The following ADAMTS3 variants were observed in gnomAD, a reference collection of about 807,000 sequenced individuals.
The protein encoded by ADAMTS3 is ADAM metallopeptidase with thrombospondin type 1 motif 3.
ADAMTS3 carries 73 observed loss-of-function variants against 129.0 expected under a neutral mutation model. The observed-to-expected ratio is 0.57, with a 90% CI of 0.47 to 0.69. The LOEUF (loss-of-function observed/expected upper bound fraction) is 0.69, where lower values mean the gene tolerates loss of function less well. ADAMTS3 is among the 30% of genes least tolerant of loss of function. The probability of loss-of-function intolerance (pLI) is 0.00; values close to 1 mark genes in which losing one functional copy is unlikely to be tolerated. For missense variants in ADAMTS3, 1,457 were observed against 1,514.5 expected, an observed-to-expected ratio of 0.96 and a Z score of 0.63; for synonymous variants, 477 against 510.8, an observed-to-expected ratio of 0.93 and a Z score of 0.89.
chr4:72,412,623 T>G (rs1300785901), intron 4 of ADAMTS3, among the ~76,000 whole-genome samples: 1 of 152,008 alleles, frequency 6.6e-6, no homozygotes, highest in African/African-American at 2.4e-5. Context: ...CTTAATTCAA[T>G]CAGAACTTCA....
chr4:72,564,867 A>T (rs901365127), intron 2 of ADAMTS3, among the ~76,000 whole-genome samples: 10 of 152,238 alleles, frequency 6.6e-5, no homozygotes, highest in African/African-American at 2.4e-4. Context: ...ACTAAGAAGT[A>T]CATATCCTGT....
Position 72,419,761 on chromosome 4 carries a change from A to G in ADAMTS3, c.505-4790T>C, listed in dbSNP as rs72852059. 5.9e-3 allele frequency among the ~76,000 whole-genome samples: 893 copies of G among 152,304 alleles called. 14 individuals carry two copies. Among genetic ancestry groups the G allele is most frequent in the African/African-American group, 0.021 (854 of 41,550 alleles). On this transcript the variant is annotated intron_variant, in intron 3 of 21. Coordinates refer to ENST00000286657, the MANE Select transcript of ADAMTS3 (RefSeq NM_014243.3). ...AAAAACTCCTGGCACACATGTGGAC[A>G]GCAAGCAAGCTATTCATTCAGGGAA...
At chr4:72,523,141 TA>T (rs925538657) in intron 3 of ADAMTS3, among the ~76,000 whole-genome samples, 4 of 151,764 alleles carry the variant, frequency 2.6e-5, no homozygotes, top group African/African-American at 4.8e-5. Context: ...AAGGTAAATA[TA>T]AAAAAAAGAA....
chr4:72,486,102 C>T (rs925300084), intron 3 of ADAMTS3, among the ~76,000 whole-genome samples: 2 of 152,138 alleles, frequency 1.3e-5, no homozygotes, highest in East Asian at 1.9e-4. Context: ...TGCCTTCATG[C>T]AAGAACTGTA....
chr4:72,556,149 G>A (rs72854328), intron 2 of ADAMTS3, among the ~76,000 whole-genome samples: 4,569 of 146,314 alleles, frequency 0.031, 371 homozygotes, highest in African/African-American at 0.11. Context: ...GAAGGAGAGG[G>A]AGGGAAGTCT....
At chr4:72,462,547 C>T (rs573502041) in intron 3 of ADAMTS3, among the ~76,000 whole-genome samples, 4 of 151,934 alleles carry the variant, frequency 2.6e-5, no homozygotes, top group African/African-American at 7.2e-5. Context: ...ATGATGGTCC[C>T]GTAGGATTCC....
intron 4 of ADAMTS3, among the ~76,000 whole-genome samples, chr4:72,364,229 G>T (rs886678153): frequency 1.3e-5 from 2 of 150,680 alleles, no homozygotes; most frequent in Admixed American, 1.3e-4. Flanking sequence ...AACACACAAA[G>T]AGAGAAAAAA....
chr4:72,337,502 T>C (rs1720021622), intron 5 of ADAMTS3, among the ~76,000 whole-genome samples: 1 of 152,160 alleles, frequency 6.6e-6, no homozygotes, highest in African/African-American at 2.4e-5. Flanking sequence ...TAAAAGCAGT[T>C]TAACTCCTAA....
intron 3 of ADAMTS3, among the ~76,000 whole-genome samples, chr4:72,459,982 A>G (rs1718719339): frequency 6.6e-6 from 1 of 151,528 alleles, no homozygotes; most frequent in Non-Finnish European, 1.5e-5. Flanking sequence ...CAGGTGCGAA[A>G]TTTTCCACCC....
At chr4:72,550,739 G>GAA (rs34040875) in intron 2 of ADAMTS3, among the ~76,000 whole-genome samples, 1 of 151,826 alleles carries the variant, frequency 6.6e-6, no homozygotes, top group Non-Finnish European at 1.5e-5. Flanking sequence ...GGTTTAGAGA[G>GAA]AAAAACAAAC....
intron 3 of ADAMTS3, among the ~76,000 whole-genome samples, chr4:72,461,876 C>G (rs1332879686): frequency 1.3e-5 from 2 of 151,874 alleles, no homozygotes; most frequent in East Asian, 1.9e-4. Flanking sequence ...CTTTAACTAG[C>G]AGCATATTGA....
At chr4:72,342,701 T>G (rs1160353709) in intron 4 of ADAMTS3, among the ~76,000 whole-genome samples, 1 of 152,080 alleles carries the variant, frequency 6.6e-6, no homozygotes. Context: ...GCATCACTAT[T>G]GTGGAATCTA....
intron 15 of ADAMTS3, among the ~76,000 whole-genome samples, chr4:72,308,551 C>T (rs573762204): frequency 6.4e-4 from 97 of 151,980 alleles, no homozygotes; most frequent in Middle Eastern, 6.8e-3. Flanking sequence ...CTTGAGCAAA[C>T]ACCACATCAA....
intron 3 of ADAMTS3, among the ~76,000 whole-genome samples, chr4:72,424,664 A>G (rs1032704629): frequency 1.4e-4 from 21 of 150,356 alleles, no homozygotes; most frequent in African/African-American, 4.9e-4. Context: ...CTTTCTCAAT[A>G]TCATACCCTG....
intron 4 of ADAMTS3, among the ~76,000 whole-genome samples, chr4:72,345,058 G>A (rs546215492): frequency 1.3e-5 from 2 of 152,216 alleles, no homozygotes; most frequent in Non-Finnish European, 2.9e-5. Context: ...ATTTTCATGT[G>A]AATAAGTGAA....
intron 3 of ADAMTS3, among the ~76,000 whole-genome samples, chr4:72,425,736 T>A (rs561058142): frequency 4.6e-5 from 7 of 152,046 alleles, no homozygotes; most frequent in East Asian, 1.9e-4. Context: ...TCTATCATTG[T>A]TGGACATTTG....
chr4:72,375,610 A>T (rs1721116032), intron 4 of ADAMTS3, among the ~76,000 whole-genome samples: 1 of 152,178 alleles, frequency 6.6e-6, no homozygotes, highest in Non-Finnish European at 1.5e-5. Flanking sequence ...AGATCTAAAA[A>T]GTGATCATCA....
intron 17 of ADAMTS3, 122 bp downstream of exon 17, chr4:72,303,795 A>AAC: frequency 1.0e-6 from 1 of 994,706 alleles, no homozygotes; most frequent in Non-Finnish European, 1.5e-6. Flanking sequence ...GAATTATTTT[A>AAC]AAAAGCAACT....
intron 3 of ADAMTS3, among the ~76,000 whole-genome samples, chr4:72,499,767 C>A (rs1198117733): frequency 6.6e-6 from 1 of 152,070 alleles, no homozygotes; most frequent in African/African-American, 2.4e-5. Flanking sequence ...CAACTTTTGC[C>A]ATCCTTCCTA....
Sources: gnomAD v4.1 joint callset for allele counts (sites outside exome capture counted in the v4.1 genomes callset) on GRCh38, gnomAD v4.1.1 for gene constraint, MANE v1.5 for transcripts, NCBI Gene and HGNC (gene_info 2026-07-23, HGNC 2026-07-21) for gene names.